UTRN: variants seen among roughly 807,000 people sequenced by gnomAD.
UTRN encodes the protein dystrophin-related protein 1.
UTRN carries 283 observed loss-of-function variants against 463.9 expected under a neutral mutation model. The observed-to-expected ratio is 0.61, with a 90% CI of 0.55 to 0.67. The LOEUF is 0.67. Among genes scored for constraint, UTRN ranks in the 30% least tolerant of loss-of-function variants. The probability of loss-of-function intolerance (pLI) is 0.00; values close to 1 mark genes in which losing one functional copy is unlikely to be tolerated. For synonymous variants in UTRN, 1,442 were observed against 1,431.5 expected, an observed-to-expected ratio of 1.01 and a Z score of -0.17; for missense variants, 3,922 against 4,084.3, an observed-to-expected ratio of 0.96 and a Z score of 1.08.
At position 144,285,518 on chromosome 6, in the gene UTRN, C is replaced by T. The variant is rs1210421445; in HGVS notation, c.-396C>T. Among the ~76,000 whole-genome samples, 1 of 152,224 alleles carries T rather than the reference C, an allele frequency of 6.6e-6. No individual in the cohort carries two copies. Among genetic ancestry groups the T allele is most frequent in the African/African-American group, 2.4e-5 (1 of 41,476 alleles). On this transcript the variant is annotated 5_prime_UTR_variant, in exon 1 of 75. Coordinates refer to ENST00000367545, the MANE Select transcript of UTRN (RefSeq NM_007124.3). ...TAGCGTTTGGCAAAGTTGGTGCCTG[C>T]GCGCCCCTTCCAGGTTTGCGCTTTG...
chr6:144,658,655 A>T (rs1009339582), intron 51 of UTRN, among the ~76,000 whole-genome samples: 1 of 152,236 alleles, frequency 6.6e-6, no homozygotes, highest in African/African-American at 2.4e-5. Flanking sequence ...CATCTTTATG[A>T]TGAAACTCTG....
intron 65 of UTRN, among the ~76,000 whole-genome samples, chr6:144,814,249 A>G (rs550632606): frequency 1.2e-4 from 18 of 152,254 alleles, no homozygotes; most frequent in Admixed American, 1.1e-3. Context: ...CCCTTCCACC[A>G]TGGGAGGACG....
rs980480689 is a variant in UTRN, at chr6:144,286,492, C to T, written c.-93+671C>T. On this transcript the variant is annotated intron_variant, in intron 1 of 74. Coordinates refer to ENST00000367545, the MANE Select transcript of UTRN (RefSeq NM_007124.3). The surrounding 1 kb of genome is among the most constrained non-coding windows in gnomAD (Gnocchi z 4.4). ...GACTGAGGGGACAGGAGGAGGGGGGCGCCCCATTGGTGTGTAGTCCCGCGC... is the reference window on the plus strand; with the variant it reads ...GACTGAGGGGACAGGAGGAGGGGGGTGCCCCATTGGTGTGTAGTCCCGCGC... 6.6e-6 allele frequency among the ~76,000 whole-genome samples: 1 copy of T among 152,214 alleles called. No homozygotes were observed. The highest frequency in any genetic ancestry group is 1.9e-4 in the East Asian group (1 of 5,154).
chr6:144,554,966 T>C, intron 49 of UTRN, 73 bp downstream of exon 49: 1 of 1,484,320 alleles, frequency 6.7e-7, no homozygotes, highest in Non-Finnish European at 9.2e-7. Flanking sequence ...TCACTGTAAT[T>C]CTTAACAATA....
At chr6:144,756,917 G>A (rs571083914) in intron 57 of UTRN, among the ~76,000 whole-genome samples, 2 of 152,116 alleles carry the variant, frequency 1.3e-5, no homozygotes, top group African/African-American at 2.4e-5. Flanking sequence ...GAACTTTAAC[G>A]TGTATCTTGC....
At chr6:144,496,328 A>G (rs927886814) in intron 33 of UTRN, among the ~76,000 whole-genome samples, 2 of 152,158 alleles carry the variant, frequency 1.3e-5, no homozygotes, top group African/African-American at 2.4e-5. Context: ...ACCAGTTTAT[A>G]CTTTTTCTGG....
In UTRN at chr6:144,852,787, G is replaced by GTGTT. The variant is rs1180236944; in HGVS notation, c.*1791_*1794dup. On this transcript the variant is annotated 3_prime_UTR_variant, in exon 75 of 75. Transcript: ENST00000367545. ...CCTTGTTCTTACTTTAAAAAGTCATGTGTTAATTTTTTTTCTGCCTGTATT... is the reference window on the plus strand; with the variant it reads ...CCTTGTTCTTACTTTAAAAAGTCATGTGTTTGTTAATTTTTTTTCTGCCTGTATT... 2.6e-5 allele frequency: 4 copies of GTGTT among 152,506 alleles called. No homozygotes were observed. Among genetic ancestry groups the GTGTT allele is most frequent in the African/African-American group, 9.7e-5 (4 of 41,398 alleles). The allele number at this position is 152,506 out of a possible 1,614,324, so 9.4% of individuals were successfully genotyped here.
At chr6:144,635,859 A>T (rs1424989268) in intron 51 of UTRN, among the ~76,000 whole-genome samples, 3 of 151,822 alleles carry the variant, frequency 2.0e-5, no homozygotes, top group Admixed American at 6.6e-5. Context: ...TGCTGCCTTT[A>T]AAAAAAATTT....
chr6:144,635,530 CTTTTCTT>C (rs1777065290), intron 51 of UTRN, among the ~76,000 whole-genome samples: 3 of 59,096 alleles, frequency 5.1e-5, no homozygotes, highest in African/African-American at 1.2e-4. Context: ...TTTTTTTTTT[CTTTTCTT>C]TTTTTTTTTT....
At chr6:144,790,966 G>C (rs951657256) in intron 62 of UTRN, among the ~76,000 whole-genome samples, 2 of 152,176 alleles carry the variant, frequency 1.3e-5, no homozygotes, top group African/African-American at 2.4e-5. Flanking sequence ...GAAGCAGAAG[G>C]CTCTGCCGTG....
At chr6:144,366,911 A>G (rs916871105) in intron 2 of UTRN, among the ~76,000 whole-genome samples, 5 of 151,660 alleles carry the variant, frequency 3.3e-5, no homozygotes, top group Non-Finnish European at 2.9e-5. Context: ...GCCAGTGCCT[A>G]TTATTTTTTG....
chr6:144,609,446 A>G (rs761110625), intron 51 of UTRN, among the ~76,000 whole-genome samples: 3 of 152,242 alleles, frequency 2.0e-5, no homozygotes, highest in Admixed American at 6.5e-5. Flanking sequence ...TAAAGCAATT[A>G]TAAAATGACC....
intron 50 of UTRN, among the ~76,000 whole-genome samples, chr6:144,565,994 G>T (rs1194111155): frequency 1.3e-5 from 2 of 152,166 alleles, no homozygotes; most frequent in Admixed American, 6.5e-5. Context: ...ATGAGAGACT[G>T]ATGATTAAAT....
intron 53 of UTRN, among the ~76,000 whole-genome samples, chr6:144,726,232 A>C (rs903266636): frequency 6.6e-6 from 1 of 152,164 alleles, no homozygotes; most frequent in African/African-American, 2.4e-5. Flanking sequence ...GTCTCAGTGC[A>C]TAGGAAGCAG....
At chr6:144,782,250 G>T in intron 61 of UTRN, 127 bp downstream of exon 61, 1 of 793,528 alleles carries the variant, frequency 1.3e-6, no homozygotes, top group Non-Finnish European at 1.9e-6. Context: ...AAATATTTAT[G>T]TTTGTTGTTG....
In UTRN at chr6:144,522,051, T is replaced by G. The variant is rs749688968; in HGVS notation, c.5613T>G (p.Asp1871Glu). ...TTAGATCATCACTTCTTCCTACAGA[T>G]TATCTGGTTGAAATTAACAAAATTT... ...SGIRSSLLPT[D>E]YLVEINKILL... Residue 1871 changes from aspartate to glutamate, a missense_variant, in exon 40 of 75, where the codon GAT becomes GAG. Physicochemically the swap from Asp to Glu is conservative, Grantham distance 45. This residue lies in a region of UTRN where 2,349 missense variants were observed against 2,303.8 expected (regional missense o/e 1.02). Coordinates refer to ENST00000367545, the MANE Select transcript of UTRN (RefSeq NM_007124.3). 6.6e-5 allele frequency: 106 copies of G among 1,596,244 alleles called. 3 individuals are homozygous for G. In the South Asian group the frequency reaches 1.1e-3, roughly 17 times the overall value.
rs530715896 is a variant in UTRN at position 144,699,950 on chromosome 6, A to G, written c.7653-137A>G. 619 of 520,600 alleles carry G rather than the reference A, an allele frequency of 1.2e-3. 3 individuals are homozygous for G. Among genetic ancestry groups the G allele is most frequent in the Non-Finnish European group, 1.6e-3 (569 of 350,084 alleles). 32.2% of individuals were successfully genotyped at this position (520,600 alleles called of 1,614,324 possible). On this transcript the variant is annotated intron_variant, in intron 52 of 74. Transcript: ENST00000367545. Reference sequence around the variant, plus strand: ...TAAATACATATATATATGTATTTACAAGGAGTCAGTCTCTTTTGTGGAAGT... The same window carrying G: ...TAAATACATATATATATGTATTTACGAGGAGTCAGTCTCTTTTGTGGAAGT...
At chr6:144,647,089 G>T (rs564985244) in intron 51 of UTRN, among the ~76,000 whole-genome samples, 1 of 152,132 alleles carries the variant, frequency 6.6e-6, no homozygotes, top group African/African-American at 2.4e-5. Context: ...ACACACTCTG[G>T]AAAGAAAGAA....
At chr6:144,616,364 G>A (rs1449796042) in intron 51 of UTRN, among the ~76,000 whole-genome samples, 1 of 152,120 alleles carries the variant, frequency 6.6e-6, no homozygotes, top group Admixed American at 6.6e-5. Context: ...CTATAGAAAT[G>A]TATAATAAAG....
Sources: gnomAD v4.1 joint callset for allele counts (sites outside exome capture counted in the v4.1 genomes callset) on GRCh38, gnomAD v4.1.1 for gene constraint, gnomAD v4.1.1 regional missense constraint, Gnocchi (gnomAD v3.1) non-coding constraint, MANE v1.5 for transcripts, NCBI Gene and HGNC (gene_info 2026-07-23, HGNC 2026-07-21) for gene names.